Variants in TPCN1 observed in about 807,000 individuals in gnomAD.
The protein encoded by TPCN1 is two pore channel protein 1.
Under a neutral mutation model 108.8 loss-of-function variants are expected in TPCN1, and 52 were observed. The ratio of observed to expected loss-of-function variants is 0.48; its 90% confidence interval spans 0.38 to 0.60. The LOEUF (loss-of-function observed/expected upper bound fraction) is 0.60. Among genes scored for constraint, TPCN1 ranks in the 20% least tolerant of loss-of-function variants. The pLI is 0.00. For synonymous variants in TPCN1, 446 were observed against 433.7 expected (o/e 1.03, Z -0.35); for missense variants, 806 against 1,072.8 (o/e 0.75, Z 3.47).
In TPCN1 at chr12:113,288,824, G is replaced by A. The variant is rs1192768458; in HGVS notation, c.1773G>A (p.Gly591=). ...FAIVGMEFFC[G]IVFPNCCNTS... ...TCGTGGGCATGGAGTTCTTCTGCGG[G>A]ATCGTCTTCCCCAACTGCTGCAAGT... Residue 591 remains glycine (G), a synonymous_variant, in exon 21 of 28, where the codon GGG becomes GGA. Coordinates refer to ENST00000335509, the MANE Select transcript of TPCN1 (RefSeq NM_017901.6). This position sits in a 1 kb window ranked among gnomAD's most constrained non-coding sequence, Gnocchi z 4.8. The A allele has an allele frequency of 6.2e-7, 1 of 1,613,632 alleles. No homozygotes were observed. The highest frequency in any genetic ancestry group is 1.7e-5 in the Admixed American group (1 of 60,030).
intron 4 of TPCN1, among the ~76,000 whole-genome samples, chr12:113,267,346 G>A (rs1326338933): frequency 6.6e-6 from 1 of 151,660 alleles, no homozygotes; most frequent in Non-Finnish European, 1.5e-5. Flanking sequence ...TAAATTACAT[G>A]AAATCCCTCT....
Position 113,288,748 on chromosome 12 carries a change from C to T in TPCN1, c.1707-10C>T, listed in dbSNP as rs200222023. ...CGGCCCCGCGTCACCCTGCCCCTGTCGCCCCACAGCCTGGGCCTCACCCTG... is the reference window on the plus strand; with the variant it reads ...CGGCCCCGCGTCACCCTGCCCCTGTTGCCCCACAGCCTGGGCCTCACCCTG... On this transcript the variant is annotated splice_polypyrimidine_tract_variant and intron_variant, in intron 20 of 27. Coordinates refer to ENST00000335509, the MANE Select transcript of TPCN1 (RefSeq NM_017901.6). The surrounding 1 kb of genome is among the most constrained non-coding windows in gnomAD (Gnocchi z 4.8). The T allele has an allele frequency of 9.9e-6, 16 of 1,611,564 alleles. No homozygotes were observed. The highest frequency in any genetic ancestry group is 3.3e-5 in the Admixed American group (2 of 60,008).
intron 10 of TPCN1, among the ~76,000 whole-genome samples, chr12:113,276,651 A>C (rs1955682684): frequency 6.6e-6 from 1 of 152,148 alleles, no homozygotes; most frequent in Admixed American, 6.5e-5. Context: ...GAGTGTGGGA[A>C]AGTGGAGGGG....
chr12:113,257,358 G>T (rs1270482520), intron 2 of TPCN1, among the ~76,000 whole-genome samples: 1 of 152,142 alleles, frequency 6.6e-6, no homozygotes, highest in Admixed American at 6.5e-5. Flanking sequence ...AGGCATGGTG[G>T]TGCGTGCCTG....
At chr12:113,295,585 G>C (rs931392749) in intron 27 of TPCN1, among the ~76,000 whole-genome samples, 1 of 151,958 alleles carries the variant, frequency 6.6e-6, no homozygotes, top group African/African-American at 2.4e-5. Flanking sequence ...TCTAAGCCTC[G>C]GTGTCTCGGG....
chr12:113,282,733 G>T (rs779723989), intron 15 of TPCN1, among the ~76,000 whole-genome samples: 2 of 151,450 alleles, frequency 1.3e-5, no homozygotes, highest in Non-Finnish European at 2.9e-5. Context: ...CTCCAGCCTG[G>T]GCAACAGAGT....
At chr12:113,290,760 C>T (rs888228190) in intron 22 of TPCN1, among the ~76,000 whole-genome samples, 192 bp from the exon 23 acceptor site, 4 of 152,200 alleles carry the variant, frequency 2.6e-5, no homozygotes, top group Non-Finnish European at 5.9e-5. Flanking sequence ...TGGGGGCAGG[C>T]CATGATGTCC....
Position 113,266,052 on chromosome 12 carries a change from TC to T in TPCN1, c.238-127del. 1.0e-6 allele frequency: 1 copy of T among 996,278 alleles called. No individual in the cohort carries two copies. The highest frequency in any genetic ancestry group is 1.6e-5 in the South Asian group (1 of 63,420). The allele number at this position is 996,278 out of a possible 1,614,324, so 61.7% of individuals were successfully genotyped here. A position where few individuals can be genotyped will look rare whatever the true frequency, so the allele number is the denominator to read the frequency against. ...CGAAGATCATTTTGATTTTCCAGCA[TC>T]TTCTGTCTCTGGCCTGAATCTCTCC... On this transcript the variant is annotated intron_variant, in intron 3 of 27. Transcript: ENST00000335509. The surrounding 1 kb of genome is among the most constrained non-coding windows in gnomAD (Gnocchi z 4.2).
intron 10 of TPCN1, among the ~76,000 whole-genome samples, chr12:113,275,396 G>A (rs1042629265): frequency 8.1e-5 from 12 of 148,182 alleles, no homozygotes; most frequent in African/African-American, 2.5e-4. Flanking sequence ...TGCACATGCC[G>A]CCACACCCGA....
chr12:113,295,727 T>TA (rs1956402527), intron 27 of TPCN1, among the ~76,000 whole-genome samples: 1 of 152,150 alleles, frequency 6.6e-6, no homozygotes, highest in Non-Finnish European at 1.5e-5. Context: ...AGAGAGCTGT[T>TA]ATGCGCAAAC....
rs761169499 is a variant in TPCN1, at chr12:113,296,118, A to G, written c.*42A>G. The G allele has an allele frequency of 1.2e-6, 2 of 1,602,948 alleles. No individual in the cohort carries two copies. The highest frequency in any genetic ancestry group is 2.2e-5 in the South Asian group (2 of 90,642). ...CGTCTCTTCTATGCAATAACACAAT[A>G]GTATTACTCTACTGCGATGTACGGA... On this transcript the variant is annotated 3_prime_UTR_variant, in exon 28 of 28. Coordinates refer to ENST00000335509, the MANE Select transcript of TPCN1 (RefSeq NM_017901.6).
In TPCN1 at chr12:113,269,863, A is replaced by T. The variant is rs752755186; in HGVS notation, c.748+18A>T. 5 of 1,612,958 alleles carry T rather than the reference A, an allele frequency of 3.1e-6. No individual in the cohort carries two copies. In the South Asian group the frequency reaches 5.5e-5, roughly 18 times the overall value. On this transcript the variant is annotated intron_variant, in intron 7 of 27. Coordinates refer to ENST00000335509, the MANE Select transcript of TPCN1 (RefSeq NM_017901.6). The surrounding 1 kb of genome is among the most constrained non-coding windows in gnomAD (Gnocchi z 5.0). Reference sequence around the variant, plus strand: ...CATCCTCGGTGAGTTCCCGCCTCTCAGGCCCAGGTGCGCTGGAAAAGCAAG... The same window carrying T: ...CATCCTCGGTGAGTTCCCGCCTCTCTGGCCCAGGTGCGCTGGAAAAGCAAG...
At chr12:113,250,992 T>A (rs541687451) in intron 2 of TPCN1, among the ~76,000 whole-genome samples, 2 of 151,060 alleles carry the variant, frequency 1.3e-5, no homozygotes, top group Non-Finnish European at 3.0e-5. Flanking sequence ...ACATAAAAAT[T>A]AAAAAATAAA....
In TPCN1 at chr12:113,262,958, G is replaced by A. The variant is rs115862508; in HGVS notation, c.237+2466G>A. Among the ~76,000 whole-genome samples the A allele has an allele frequency of 8.9e-3, 1,349 of 152,254 alleles. 17 individuals are homozygous for A. Among genetic ancestry groups the A allele is most frequent in the African/African-American group, 0.031 (1,285 of 41,540 alleles). ...ATTGCATCACTTATGAACTGACCTT[G>A]TGCATCTCCTTGAAAATGGGCCATG... is the stretch of plus-strand genomic sequence containing the variant. On this transcript the variant is annotated intron_variant, in intron 3 of 27. Transcript: ENST00000335509.
chr12:113,243,001 G>A (rs1954211017), intron 2 of TPCN1, among the ~76,000 whole-genome samples: 1 of 152,180 alleles, frequency 6.6e-6, no homozygotes, highest in Admixed American at 6.6e-5. Context: ...CACAATGCCT[G>A]GTATACAGTA....
intron 12 of TPCN1, 68 bp from the exon 13 acceptor site, chr12:113,278,121 G>A: frequency 7.0e-7 from 1 of 1,430,816 alleles, no homozygotes; most frequent in Non-Finnish European, 9.8e-7. Flanking sequence ...AGGCAGGCAA[G>A]TAAGAGAAGC....
At chr12:113,264,233 C>T (rs1955157533) in intron 3 of TPCN1, among the ~76,000 whole-genome samples, 1 of 152,154 alleles carries the variant, frequency 6.6e-6, no homozygotes, top group Admixed American at 6.5e-5. Context: ...GTGTTTGCTC[C>T]CTTTGACATG....
chr12:113,260,469 C>G lies in TPCN1; in HGVS notation c.214C>G (p.Gln72Glu), dbSNP rs1364633076. 6.4e-7 allele frequency: 1 copy of G among 1,572,544 alleles called. No homozygotes were observed. Residue 72 changes from glutamine (Q) to glutamate (E), a missense_variant, in exon 3 of 28, where the codon CAA becomes GAA. By Grantham distance (29) the Gln-to-Glu change is conservative. Coordinates refer to ENST00000335509, the MANE Select transcript of TPCN1 (RefSeq NM_017901.6). The stretch of plus-strand genomic sequence containing the variant: ...CGCACACAACTGGGAGATGAATTAC[C>G]AAGAGGCAGCAATCTACCTCCAGGT... ...SPAHNWEMNYQEAAIYLQEGE... is the reference protein window; with the variant it reads ...SPAHNWEMNYEEAAIYLQEGE...
intron 2 of TPCN1, chr12:113,244,576 G>C (rs1403020380): frequency 4.1e-6 from 4 of 985,284 alleles, no homozygotes; most frequent in Middle Eastern, 5.2e-4. Context: ...GAAGCATGGT[G>C]GCAACGCTGT....
Sources: gnomAD v4.1 joint callset for allele counts (sites outside exome capture counted in the v4.1 genomes callset) on GRCh38, gnomAD v4.1.1 for gene constraint, Gnocchi (gnomAD v3.1) non-coding constraint, MANE v1.5 for transcripts, NCBI Gene and HGNC (gene_info 2026-07-23, HGNC 2026-07-21) for gene names.